The following MEI4 variants were observed in gnomAD, a reference collection of about 807,000 sequenced individuals.
MEI4 encodes the protein meiosis-specific protein MEI4.
In MEI4, 27 loss-of-function variants were observed where a neutral mutation model predicts 31.4. That is an observed-to-expected ratio of 0.86 (90% confidence interval 0.63 to 1.19). MEI4 has a LOEUF of 1.19. MEI4 is among the 50% of genes most tolerant of loss of function. The probability of loss-of-function intolerance (pLI) is 0.00; values close to 1 mark genes in which losing one functional copy is unlikely to be tolerated. For missense variants in MEI4, 329 were observed against 398.9 expected, an observed-to-expected ratio of 0.82 and a Z score of 1.49; for synonymous variants, 122 against 145.4, an observed-to-expected ratio of 0.84 and a Z score of 1.16.
intron 4 of MEI4, among the ~76,000 whole-genome samples, chr6:77,918,756 T>G (rs1766628054): frequency 6.6e-6 from 1 of 151,814 alleles, no homozygotes; most frequent in African/African-American, 2.4e-5. Flanking sequence ...TGAATACCCT[T>G]TATTTCCTTC....
At chr6:77,684,695 G>A (rs981225713) in intron 1 of MEI4, among the ~76,000 whole-genome samples, 4 of 152,032 alleles carry the variant, frequency 2.6e-5, no homozygotes, top group Non-Finnish European at 5.9e-5. Context: ...ATTGTTGTTT[G>A]TGGCTGAATA....
intron 4 of MEI4, among the ~76,000 whole-genome samples, chr6:77,910,055 T>C (rs969959336): frequency 2.0e-5 from 3 of 152,142 alleles, no homozygotes; most frequent in African/African-American, 4.8e-5. Flanking sequence ...ATGGGACGTA[T>C]CTCAAAATAA....
At position 77,854,291 on chromosome 6, in the gene MEI4, C is replaced by G. The variant is rs942396854; in HGVS notation, c.900+25229C>G. Among the ~76,000 whole-genome samples, 6 of 149,716 alleles carry G rather than the reference C, an allele frequency of 4.0e-5. No homozygotes were observed. The Admixed American group carries it at 4.0e-4, about 10-fold the overall frequency. Reference sequence around the variant, plus strand: ...AAATTAAATAGTTAACCAATATGCTCAATATCTTATATACTTTTCTTTTAA... The same window carrying G: ...AAATTAAATAGTTAACCAATATGCTGAATATCTTATATACTTTTCTTTTAA... On this transcript the variant is annotated intron_variant, in intron 4 of 4. Transcript: ENST00000684080.
chr6:77,685,029 T>G (rs551379841), intron 1 of MEI4, among the ~76,000 whole-genome samples: 31 of 152,196 alleles, frequency 2.0e-4, no homozygotes, highest in Non-Finnish European at 4.0e-4. Flanking sequence ...GCCTGTCTTT[T>G]GGATATAAGC....
In MEI4 at chr6:77,910,428, A is replaced by G. The variant is rs149594369; in HGVS notation, c.901-12661A>G. 2.5e-3 allele frequency among the ~76,000 whole-genome samples: 380 copies of G among 152,330 alleles called. 1 individual carries two copies. The highest frequency in any genetic ancestry group is 9.1e-3 in the African/African-American group (377 of 41,576). On this transcript the variant is annotated intron_variant, in intron 4 of 4. Transcript: ENST00000684080. The stretch of plus-strand genomic sequence containing the variant: ...ATACACCAATAACAAACAGAGAGCC[A>G]AATCATGAGTGAACTCTCATTCACA...
chr6:77,673,251 ATAG>A (rs750887781), intron 1 of MEI4, among the ~76,000 whole-genome samples: 18 of 151,956 alleles, frequency 1.2e-4, no homozygotes, highest in Non-Finnish European at 1.6e-4. Flanking sequence ...TATGGCTGTA[ATAG>A]TAGTAGTAGT....
Position 77,911,427 on chromosome 6 carries a change from A to G in MEI4, c.901-11662A>G, listed in dbSNP as rs900492902. Among the ~76,000 whole-genome samples the G allele has an allele frequency of 5.3e-5, 8 of 152,114 alleles. No individual in the cohort carries two copies. The East Asian group carries it at 1.2e-3, about 22-fold the overall frequency. Reference sequence around the variant, plus strand: ...ACTGAGGTAGTGAGCACGGTACCCAATAGGTAGTTGTTCAGGTATTACCCC... The same window carrying G: ...ACTGAGGTAGTGAGCACGGTACCCAGTAGGTAGTTGTTCAGGTATTACCCC... On this transcript the variant is annotated intron_variant, in intron 4 of 4. Transcript: ENST00000684080.
chr6:77,857,508 A>G (rs2127719991), intron 4 of MEI4, among the ~76,000 whole-genome samples: 1 of 152,248 alleles, frequency 6.6e-6, no homozygotes, highest in African/African-American at 2.4e-5. Flanking sequence ...ACAATTTGTC[A>G]CCTGTTGTCC....
intron 2 of MEI4, among the ~76,000 whole-genome samples, chr6:77,712,084 G>A (rs905729245): frequency 2.6e-5 from 4 of 152,114 alleles, no homozygotes; most frequent in Non-Finnish European, 4.4e-5. Context: ...TTGGCAGTAC[G>A]CTGAACATTT....
At chr6:77,886,435 G>GTTTTGTT (rs1554172643) in intron 4 of MEI4, among the ~76,000 whole-genome samples, 2 of 41,764 alleles carry the variant, frequency 4.8e-5, no homozygotes, top group Admixed American at 2.7e-4. Flanking sequence ...TTCCAGTTTT[G>GTTTTGTT]TTTTTTTTTT....
chr6:77,790,150 C>G (rs1269615572), intron 3 of MEI4, among the ~76,000 whole-genome samples: 3 of 150,474 alleles, frequency 2.0e-5, no homozygotes, highest in Non-Finnish European at 4.4e-5. Flanking sequence ...CAAAGTATCA[C>G]AAGTACAAAA....
chr6:77,816,589 C>T (rs1447350091), intron 3 of MEI4, among the ~76,000 whole-genome samples: 9 of 152,098 alleles, frequency 5.9e-5, no homozygotes, highest in Middle Eastern at 6.8e-3. Context: ...TGAATAGTGC[C>T]GCAATAAACA....
At chr6:77,877,755 C>T (rs1771379425) in intron 4 of MEI4, among the ~76,000 whole-genome samples, 1 of 138,332 alleles carries the variant, frequency 7.2e-6, no homozygotes, top group Non-Finnish European at 1.5e-5. Context: ...GGATAAGCAG[C>T]CCAAGAAAAG....
intron 3 of MEI4, among the ~76,000 whole-genome samples, chr6:77,827,230 G>C (rs1048672577): frequency 1.3e-5 from 2 of 151,560 alleles, no homozygotes; most frequent in African/African-American, 2.4e-5. Flanking sequence ...TGTGGTGGCG[G>C]GTGCCTGTAG....
chr6:77,769,217 A>G (rs1768247835), intron 3 of MEI4, among the ~76,000 whole-genome samples: 1 of 152,144 alleles, frequency 6.6e-6, no homozygotes, highest in Non-Finnish European at 1.5e-5. Context: ...CATACTGATT[A>G]TGGGACTTTG....
chr6:77,683,916 A>G (rs1769004486), intron 1 of MEI4, among the ~76,000 whole-genome samples: 1 of 152,158 alleles, frequency 6.6e-6, no homozygotes, highest in Non-Finnish European at 1.5e-5. Context: ...AGATTGCTGA[A>G]TCATATGGTA....
At chr6:77,760,218 A>G (rs1254731214) in intron 2 of MEI4, among the ~76,000 whole-genome samples, 1 of 152,084 alleles carries the variant, frequency 6.6e-6, no homozygotes, top group Non-Finnish European at 1.5e-5. Context: ...ACACATGTAT[A>G]TACATATATA....
At chr6:77,815,352 T>A (rs2127706220) in intron 3 of MEI4, among the ~76,000 whole-genome samples, 1 of 152,258 alleles carries the variant, frequency 6.6e-6, no homozygotes, top group South Asian at 2.1e-4. Context: ...AATAATAATA[T>A]TCTTCAATTG....
chr6:77,913,812 T>C lies in MEI4; in HGVS notation c.901-9277T>C, dbSNP rs533234347. 4.6e-5 allele frequency among the ~76,000 whole-genome samples: 7 copies of C among 151,640 alleles called. No individual in the cohort carries two copies. In the South Asian group the frequency reaches 1.5e-3, roughly 32 times the overall value. On this transcript the variant is annotated intron_variant, in intron 4 of 4. Coordinates refer to ENST00000684080, the MANE Select transcript of MEI4 (RefSeq NM_001322247.2). Reference sequence around the variant, plus strand: ...CACTTTGGGAGGCAAGGCAGGCAGATCACGAGGTCAGGAGATTGAGACCAT... The same window carrying C: ...CACTTTGGGAGGCAAGGCAGGCAGACCACGAGGTCAGGAGATTGAGACCAT...
Sources: allele counts gnomAD v4.1 joint callset (sites outside exome capture counted in the v4.1 genomes callset), GRCh38; gene constraint gnomAD v4.1.1; transcripts MANE v1.5; gene names NCBI Gene and HGNC (gene_info 2026-07-23, HGNC 2026-07-21).